The following ST6GALNAC1 variants were observed in gnomAD, a reference collection of about 807,000 sequenced individuals.
ST6GALNAC1 encodes alpha-N-acetylgalactosaminide alpha-2,6-sialyltransferase 1.
ST6GALNAC1 carries 45 observed loss-of-function variants against 56.8 expected under a neutral mutation model. The observed-to-expected ratio is 0.79, with a 90% CI of 0.62 to 1.02. The LOEUF (loss-of-function observed/expected upper bound fraction) is 1.02, where lower values mean the gene tolerates loss of function less well. ST6GALNAC1 is among the 50% of genes least tolerant of loss of function. The pLI, the probability that ST6GALNAC1 is intolerant of heterozygous loss-of-function variation, is 0.00. For synonymous variants in ST6GALNAC1, 295 were observed against 297.8 expected (o/e 0.99, Z 0.10); for missense variants, 743 against 754.8 (o/e 0.98, Z 0.18).
chr17:76,631,906 A>G (rs1307295415), intron 1 of ST6GALNAC1, among the ~76,000 whole-genome samples: 1 of 152,208 alleles, frequency 6.6e-6, no homozygotes, highest in Non-Finnish European at 1.5e-5. Flanking sequence ...TTCTGAAAGA[A>G]TGCCACTCAA....
chr17:76,633,367 G>A (rs35085606), intron 1 of ST6GALNAC1, among the ~76,000 whole-genome samples: 14,935 of 151,828 alleles, frequency 0.098, 797 homozygotes, highest in South Asian at 0.13. Flanking sequence ...AAAATTAGCC[G>A]GGCATGGTGG....
chr17:76,625,831 C>G lies in ST6GALNAC1; in HGVS notation c.1593G>C (p.Gln531His), dbSNP rs779385918. Residue 531 changes from glutamine (Q) to histidine (H), a missense_variant, in exon 8 of 9, where the codon CAG becomes CAC. Gln to His is a conservative substitution (Grantham distance 24). Coordinates refer to ENST00000156626, the MANE Select transcript of ST6GALNAC1 (RefSeq NM_018414.5). ...AGTGGAGCCTTACCTGGTCACAGAG[C>G]TGAAGGGCAGTGAGCAGCAGGAGGG... ...TGALLLLTALQLCDQVSAYGF... is the reference protein window; with the variant it reads ...TGALLLLTALHLCDQVSAYGF... 4 of 1,537,666 alleles carry G rather than the reference C, an allele frequency of 2.6e-6. No homozygotes were observed. The highest frequency in any genetic ancestry group is 3.5e-6 in the Non-Finnish European group (4 of 1,147,298).
In ST6GALNAC1 at chr17:76,627,792, C is replaced by T. The variant is rs568215948; in HGVS notation, c.832-209G>A. ...GAGGGTTCTGGGAAATGGGTGTTCT[C>T]GGCCATCGAGGCAAATGCACCTAGG... On this transcript the variant is annotated intron_variant, in intron 2 of 8. Transcript: ENST00000156626. This position sits in a 1 kb window ranked among gnomAD's most constrained non-coding sequence, Gnocchi z 4.4. Among the ~76,000 whole-genome samples, 19 of 152,216 alleles carry T rather than the reference C, an allele frequency of 1.2e-4. No individual in the cohort carries two copies. The highest frequency in any genetic ancestry group is 9.6e-4 in the East Asian group (5 of 5,182).
chr17:76,621,620 C>T (rs994792041), downstream of ST6GALNAC1, among the ~76,000 whole-genome samples: 3 of 151,670 alleles, frequency 2.0e-5, no homozygotes, highest in South Asian at 2.1e-4. Flanking sequence ...GAATTACAGG[C>T]GCCCACCACC....
chr17:76,631,629 C>A (rs980990682), intron 1 of ST6GALNAC1, among the ~76,000 whole-genome samples: 22 of 152,234 alleles, frequency 1.4e-4, no homozygotes, highest in African/African-American at 4.6e-4. Context: ...TGCAGACAGG[C>A]CTCCTCTGCT....
rs551993178 is a variant in ST6GALNAC1, at chr17:76,632,734, C to G, written c.132-3023G>C. Among the ~76,000 whole-genome samples the G allele has an allele frequency of 4.6e-5, 7 of 152,236 alleles. 1 individual carries two copies. In the South Asian group the frequency reaches 1.2e-3, roughly 27 times the overall value. On this transcript the variant is annotated intron_variant, in intron 1 of 8. Transcript: ENST00000156626. ...TGCCCCATATTCAACGCGTTCGGCC[C>G]TGTGTGGTCCTGACCCTGTGAGCTG...
At chr17:76,621,721 C>T (rs1314706788), downstream of ST6GALNAC1, among the ~76,000 whole-genome samples, 14 of 152,020 alleles carry the variant, frequency 9.2e-5, no homozygotes, top group East Asian at 7.7e-4. Flanking sequence ...GTGATCCGCC[C>T]GCCTCGGCTT....
At chr17:76,623,632 A>C (rs976346294), downstream of ST6GALNAC1, among the ~76,000 whole-genome samples, 2 of 152,222 alleles carry the variant, frequency 1.3e-5, no homozygotes, top group Non-Finnish European at 1.5e-5. Flanking sequence ...TATGACAGTT[A>C]CTGATTTCCG....
intron 1 of ST6GALNAC1, among the ~76,000 whole-genome samples, chr17:76,642,918 G>A (rs1282877263): frequency 9.1e-6 from 1 of 109,774 alleles, no homozygotes; most frequent in Non-Finnish European, 1.8e-5. Flanking sequence ...GTGAGACTCC[G>A]TCTCAAAAAA....
intron 1 of ST6GALNAC1, chr17:76,637,386 C>G (rs1256810731): frequency 9.2e-6 from 2 of 218,552 alleles, no homozygotes; most frequent in Non-Finnish European, 1.8e-5. Flanking sequence ...ACAGTCACCA[C>G]AAGGGTCCCT....
chr17:76,634,161 GTA>G lies in ST6GALNAC1; in HGVS notation c.132-4452_132-4451del, dbSNP rs768870226. On this transcript the variant is annotated intron_variant, in intron 1 of 8. Coordinates refer to ENST00000156626, the MANE Select transcript of ST6GALNAC1 (RefSeq NM_018414.5). ...AGTGGCTGCAGGTGAGTTGCGCCTGGTATGTGGGAATGGCTGGTCACACAGAA... is the reference window on the plus strand; with the variant it reads ...AGTGGCTGCAGGTGAGTTGCGCCTGGTGTGGGAATGGCTGGTCACACAGAA... Among the ~76,000 whole-genome samples, 29 of 152,336 alleles carry G rather than the reference GTA, an allele frequency of 1.9e-4. 1 individual carries two copies. In the South Asian group the frequency reaches 2.5e-3, roughly 13 times the overall value.
At chr17:76,619,011 A>T in the ST6GALNAC1 span, among the ~76,000 whole-genome samples, 2 of 152,196 alleles carry the variant, frequency 1.3e-5, no homozygotes, top group African/African-American at 4.8e-5. Context: ...GGACTCCTAG[A>T]TTACCATTTG....
At chr17:76,642,677 T>A (rs948265046) in intron 1 of ST6GALNAC1, among the ~76,000 whole-genome samples, 1 of 152,130 alleles carries the variant, frequency 6.6e-6, no homozygotes, top group African/African-American at 2.4e-5. Flanking sequence ...ACGCCTGTCA[T>A]CCCAGCGCTT....
intron 1 of ST6GALNAC1, among the ~76,000 whole-genome samples, chr17:76,642,797 T>G (rs1382808896): frequency 6.6e-6 from 1 of 151,530 alleles, no homozygotes; most frequent in Non-Finnish European, 1.5e-5. Context: ...CCAGGCCTGG[T>G]GGCATGCGCC....
In ST6GALNAC1 at chr17:76,625,398, G is replaced by A. The variant is rs1021413544; in HGVS notation, c.1735C>T (p.Leu579=). The change falls in exon 9 of 9, where the codon CTA becomes TTA. Residue 579 remains leucine (L), a synonymous_variant. Coordinates refer to ENST00000156626, the MANE Select transcript of ST6GALNAC1 (RefSeq NM_018414.5). The part of the protein sequence containing the change: ...FKLEREVWKR[L]HDEGIIRLYQ... ...AGCCGGATTATCCCTTCATCGTGTA[G>A]CCGCTTCCAGACTTCTCTCTCCAGC... 3.7e-6 allele frequency: 6 copies of A among 1,614,032 alleles called. No individual in the cohort carries two copies. The Admixed American group carries it at 5.0e-5, about 13-fold the overall frequency.
intron 1 of ST6GALNAC1, chr17:76,637,391 G>A (rs2075992258): frequency 3.9e-6 from 1 of 258,830 alleles, no homozygotes; most frequent in African/African-American, 2.3e-5. Flanking sequence ...CACCACAAGG[G>A]TCCCTCATGT....
rs1376695792 is a variant in ST6GALNAC1, at chr17:76,625,411, T to C, written c.1722A>G (p.Glu574=). 1 of 1,614,192 alleles carries C rather than the reference T, an allele frequency of 6.2e-7. No individual in the cohort carries two copies. Among genetic ancestry groups the C allele is most frequent in the Admixed American group, 1.7e-5 (1 of 60,014 alleles). Residue 574 remains glutamate (E), a synonymous_variant, in exon 9 of 9, where the codon GAA becomes GAG. Coordinates refer to ENST00000156626, the MANE Select transcript of ST6GALNAC1 (RefSeq NM_018414.5). ...YINHDFKLER[E]VWKRLHDEGI... ...CTTCATCGTGTAGCCGCTTCCAGAC[T>C]TCTCTCTCCAGCTTGAAGTCATGGT...
chr17:76,618,256 GAGA>G, the ST6GALNAC1 span, among the ~76,000 whole-genome samples: 2 of 152,164 alleles, frequency 1.3e-5, no homozygotes, highest in African/African-American at 4.8e-5. Flanking sequence ...TATGTTTGTA[GAGA>G]AGAAGCAGAT....
Position 76,629,563 on chromosome 17 carries a change from C to T in ST6GALNAC1, c.280G>A (p.Ala94Thr), listed in dbSNP as rs938004727. ...TTTCCTCTGTCTCCGGTGGTGTGGG[C>T]CTTGGGCTGGGTTTGTGTGTTGAGG... is the stretch of plus-strand genomic sequence containing the variant. ...NALNTQTQPK[A>T]HTTGDRGKEA... Residue 94 changes from alanine to threonine, a missense_variant, in exon 2 of 9, where the codon GCC becomes ACC. Coordinates refer to ENST00000156626, the MANE Select transcript of ST6GALNAC1 (RefSeq NM_018414.5). 10 of 1,613,822 alleles carry T rather than the reference C, an allele frequency of 6.2e-6. No homozygotes were observed. The African/African-American group carries it at 1.1e-4, about 17-fold the overall frequency.
Sources: allele counts gnomAD v4.1 joint callset (sites outside exome capture counted in the v4.1 genomes callset), GRCh38; gene constraint gnomAD v4.1.1; non-coding constraint Gnocchi (gnomAD v3.1); transcripts MANE v1.5; gene names NCBI Gene and HGNC (gene_info 2026-07-23, HGNC 2026-07-21).